KCNT2: variants seen among roughly 807,000 people sequenced by gnomAD.
KCNT2 encodes potassium sodium-activated channel subfamily T member 2, also known as potassium channel subfamily T member 2.
KCNT2 carries 67 observed loss-of-function variants against 153.8 expected under a neutral mutation model. The observed-to-expected ratio is 0.44, with a 90% CI of 0.36 to 0.53. The LOEUF (loss-of-function observed/expected upper bound fraction) is 0.53. Among genes scored for constraint, KCNT2 ranks in the 20% least tolerant of loss-of-function variants. KCNT2 has a pLI of 0.00. For synonymous variants in KCNT2, 500 were observed against 458.8 expected (o/e 1.09, Z -1.15); for missense variants, 975 against 1,354.8 (o/e 0.72, Z 4.40).
intron 1 of KCNT2, among the ~76,000 whole-genome samples, chr1:196,522,842 A>C (rs1390872560): frequency 2.0e-5 from 3 of 152,134 alleles, no homozygotes. Flanking sequence ...ACCAATCAGC[A>C]CTCTGTAAAA....
At chr1:196,423,490 G>A (rs1342484514) in intron 11 of KCNT2, among the ~76,000 whole-genome samples, 1 of 151,546 alleles carries the variant, frequency 6.6e-6, no homozygotes, top group Non-Finnish European at 1.5e-5. Flanking sequence ...TAAGAGGGGT[G>A]GAATACAGCT....
intron 1 of KCNT2, among the ~76,000 whole-genome samples, chr1:196,581,970 G>A (rs188070407): frequency 6.6e-6 from 1 of 152,176 alleles, no homozygotes; most frequent in East Asian, 1.9e-4. Context: ...TTCTGTGGGA[G>A]AACCAATAAT....
intron 1 of KCNT2, among the ~76,000 whole-genome samples, chr1:196,495,286 AT>A (rs1358587289): frequency 6.6e-6 from 1 of 151,704 alleles, no homozygotes; most frequent in Non-Finnish European, 1.5e-5. Context: ...ATTTGATTTA[AT>A]GATAACTCTT....
intron 4 of KCNT2, among the ~76,000 whole-genome samples, chr1:196,481,157 A>C (rs1678991254): frequency 6.6e-6 from 1 of 152,198 alleles, no homozygotes; most frequent in South Asian, 2.1e-4. Context: ...ACACCCAGGC[A>C]TAGTAAAAAC....
chr1:196,287,904 T>C (rs1453070994), intron 22 of KCNT2, among the ~76,000 whole-genome samples: 1 of 152,096 alleles, frequency 6.6e-6, no homozygotes, highest in Non-Finnish European at 1.5e-5. Context: ...ATGGTAACAA[T>C]AGCAAAATAG....
chr1:196,361,385 G>C lies in KCNT2; in HGVS notation c.1403+11755C>G, dbSNP rs751842581. Among the ~76,000 whole-genome samples, 3 of 152,036 alleles carry C rather than the reference G, an allele frequency of 2.0e-5. 1 individual carries two copies. The highest frequency in any genetic ancestry group is 2.0e-4 in the Admixed American group (3 of 15,228). The stretch of plus-strand genomic sequence containing the variant: ...AGGAGACACCAGAATGATGCAATTA[G>C]ACAGCCAGAGATGACTGAGAAGCAG... On this transcript the variant is annotated intron_variant, in intron 14 of 27. Transcript: ENST00000294725.
At chr1:196,576,004 A>G (rs566307598) in intron 1 of KCNT2, among the ~76,000 whole-genome samples, 1 of 151,514 alleles carries the variant, frequency 6.6e-6, no homozygotes, top group Non-Finnish European at 1.5e-5. Context: ...ATTGAAGAAG[A>G]GATCATAACT....
At chr1:196,377,123 G>C (rs1380146124) in intron 13 of KCNT2, among the ~76,000 whole-genome samples, 1 of 151,954 alleles carries the variant, frequency 6.6e-6, no homozygotes, top group Admixed American at 6.6e-5. Context: ...GTAATGATAT[G>C]ATCTAAGTTA....
chr1:196,523,848 G>A (rs185937229), intron 1 of KCNT2, among the ~76,000 whole-genome samples: 6 of 152,260 alleles, frequency 3.9e-5, no homozygotes, highest in Admixed American at 1.3e-4. Flanking sequence ...TCTAATTATA[G>A]ATTAACTTTT....
At chr1:196,605,338 GC>G (rs1410649995) in intron 1 of KCNT2, among the ~76,000 whole-genome samples, 1 of 152,182 alleles carries the variant, frequency 6.6e-6, no homozygotes, top group Non-Finnish European at 1.5e-5. Flanking sequence ...TCAGTATTAA[GC>G]CAGTTATCAC....
At chr1:196,426,630 T>C (rs1289394574) in intron 10 of KCNT2, among the ~76,000 whole-genome samples, 1 of 151,944 alleles carries the variant, frequency 6.6e-6, no homozygotes, top group Non-Finnish European at 1.5e-5. Flanking sequence ...TGGTAAACAT[T>C]CACCATTTTA....
chr1:196,357,283 A>G (rs1191162392), intron 14 of KCNT2, among the ~76,000 whole-genome samples: 1 of 151,948 alleles, frequency 6.6e-6, no homozygotes, highest in Non-Finnish European at 1.5e-5. Flanking sequence ...CCTTATCTGC[A>G]GTTCCCTGAG....
intron 12 of KCNT2, among the ~76,000 whole-genome samples, chr1:196,411,848 C>T (rs1211220902): frequency 2.0e-5 from 3 of 151,724 alleles, no homozygotes; most frequent in African/African-American, 7.3e-5. Context: ...GTGGATATTA[C>T]CAATCCCTGT....
chr1:196,239,625 T>A (rs1025006937), intron 26 of KCNT2, among the ~76,000 whole-genome samples: 1 of 151,990 alleles, frequency 6.6e-6, no homozygotes. Context: ...TAAATTTTCA[T>A]GTTGAAGTAT....
At chr1:196,324,372 G>A (rs936919386) in intron 19 of KCNT2, among the ~76,000 whole-genome samples, 9 of 151,820 alleles carry the variant, frequency 5.9e-5, no homozygotes, top group Non-Finnish European at 8.8e-5. Context: ...TTCATAGAAA[G>A]GTCTAATTCA....
intron 12 of KCNT2, among the ~76,000 whole-genome samples, chr1:196,419,098 T>C (rs1672981081): frequency 6.6e-6 from 1 of 152,242 alleles, no homozygotes; most frequent in East Asian, 1.9e-4. Context: ...TCCAGAGAGT[T>C]GTGCATTCTT....
intron 22 of KCNT2, among the ~76,000 whole-genome samples, chr1:196,301,451 C>A (rs1360434269): frequency 2.0e-5 from 3 of 152,096 alleles, no homozygotes; most frequent in African/African-American, 7.2e-5. Context: ...ACCCCTATAT[C>A]CCCTACAGTA....
At chr1:196,358,902 G>C (rs1667390723) in intron 14 of KCNT2, among the ~76,000 whole-genome samples, 1 of 151,840 alleles carries the variant, frequency 6.6e-6, no homozygotes, top group South Asian at 2.1e-4. Flanking sequence ...GGATTCCTTT[G>C]TCTGTGAATA....
chr1:196,517,349 C>G (rs757688634), intron 1 of KCNT2, among the ~76,000 whole-genome samples: 1 of 152,170 alleles, frequency 6.6e-6, no homozygotes, highest in South Asian at 2.1e-4. Context: ...ACTTGAGCAA[C>G]TCAAGTGGGC....
Sources: allele counts gnomAD v4.1 joint callset (sites outside exome capture counted in the v4.1 genomes callset), GRCh38; gene constraint gnomAD v4.1.1; transcripts MANE v1.5; gene names NCBI Gene and HGNC (gene_info 2026-07-23, HGNC 2026-07-21).